Variants in CNTNAP2 observed in about 807,000 individuals in gnomAD.
CNTNAP2 encodes contactin-associated protein-like 2.
A neutral mutation model predicts 155.2 loss-of-function variants in CNTNAP2; 98 were observed. The ratio of observed to expected loss-of-function variants is 0.63; its 90% confidence interval spans 0.54 to 0.75. The LOEUF (loss-of-function observed/expected upper bound fraction) is 0.75, where lower values mean the gene tolerates loss of function less well. Ranked by LOEUF, CNTNAP2 falls within the 30% of genes least tolerant of loss-of-function variation. The pLI, the probability that CNTNAP2 is intolerant of heterozygous loss-of-function variation, is 0.00. For missense variants in CNTNAP2, 1,727 were observed against 1,688.1 expected, an observed-to-expected ratio of 1.02 and a Z score of -0.40; for synonymous variants, 651 against 631.2, an observed-to-expected ratio of 1.03 and a Z score of -0.47.
intron 21 of CNTNAP2, among the ~76,000 whole-genome samples, chr7:148,275,446 G>C (rs1308595374): frequency 1.3e-5 from 2 of 152,176 alleles, no homozygotes; most frequent in Non-Finnish European, 2.9e-5. Context: ...CCATAAGGGC[G>C]GGGGAGGTCA....
intron 15 of CNTNAP2, among the ~76,000 whole-genome samples, chr7:148,034,625 C>T (rs1563175091): frequency 6.6e-6 from 1 of 152,078 alleles, no homozygotes; most frequent in Non-Finnish European, 1.5e-5. Context: ...CAGACGAAGA[C>T]AGAAAATGGG....
At chr7:147,774,527 G>C (rs915472599) in intron 13 of CNTNAP2, among the ~76,000 whole-genome samples, 1 of 152,144 alleles carries the variant, frequency 6.6e-6, no homozygotes, top group African/African-American at 2.4e-5. Flanking sequence ...CTCTGTATTT[G>C]GAGATAAGGC....
At chr7:146,886,773 A>G (rs527437155) in intron 3 of CNTNAP2, among the ~76,000 whole-genome samples, 9 of 150,468 alleles carry the variant, frequency 6.0e-5, no homozygotes, top group Admixed American at 1.3e-4. Flanking sequence ...AAGTTTATCT[A>G]GTATAGCCTC....
chr7:147,945,467 A>T (rs1274913835), intron 14 of CNTNAP2, among the ~76,000 whole-genome samples: 1 of 152,192 alleles, frequency 6.6e-6, no homozygotes, highest in Non-Finnish European at 1.5e-5. Context: ...GAAGCAGGAA[A>T]GCGGTAAAGC....
intron 1 of CNTNAP2, among the ~76,000 whole-genome samples, chr7:146,631,612 T>C (rs1799512353): frequency 6.6e-6 from 1 of 152,164 alleles, no homozygotes; most frequent in Admixed American, 6.5e-5. Context: ...GAATTCTGGT[T>C]AGTCTTCTCT....
intron 14 of CNTNAP2, among the ~76,000 whole-genome samples, chr7:147,966,873 A>G (rs2708285): frequency 0.49 from 74,262 of 151,870 alleles, 18,683 homozygotes; most frequent in Middle Eastern, 0.72. Context: ...CTGTGCAGAA[A>G]CAGAGGGGAG....
At chr7:146,259,650 C>CAA (rs1799890994) in intron 1 of CNTNAP2, among the ~76,000 whole-genome samples, 1 of 152,090 alleles carries the variant, frequency 6.6e-6, no homozygotes, top group East Asian at 1.9e-4. Context: ...TTCTAAGCAA[C>CAA]AAAGCATTGA....
At chr7:147,119,000 A>G (rs978525559) in intron 5 of CNTNAP2, among the ~76,000 whole-genome samples, 1 of 152,156 alleles carries the variant, frequency 6.6e-6, no homozygotes, top group African/African-American at 2.4e-5. Context: ...AATAGCCTGA[A>G]ATTATTTTTA....
At chr7:146,763,531 G>T (rs1802141388) in intron 1 of CNTNAP2, among the ~76,000 whole-genome samples, 2 of 152,148 alleles carry the variant, frequency 1.3e-5, no homozygotes, top group Middle Eastern at 6.8e-3. Flanking sequence ...TCTATAAATT[G>T]TCATTGAAGG....
chr7:147,478,720 C>T (rs111430821), intron 10 of CNTNAP2, among the ~76,000 whole-genome samples: 2,396 of 152,272 alleles, frequency 0.016, 68 homozygotes, highest in African/African-American at 0.055. Flanking sequence ...GCACATGGCA[C>T]TTCCATTGCC....
intron 1 of CNTNAP2, among the ~76,000 whole-genome samples, chr7:146,163,264 T>G (rs1047305468): frequency 7.2e-5 from 11 of 151,780 alleles, no homozygotes; most frequent in African/African-American, 2.4e-4. Flanking sequence ...TCATCAGTTC[T>G]CAAAATATCA....
At chr7:147,180,021 A>G (rs982749480) in intron 8 of CNTNAP2, among the ~76,000 whole-genome samples, 1 of 152,122 alleles carries the variant, frequency 6.6e-6, no homozygotes, top group African/African-American at 2.4e-5. Context: ...GCCAAACTTG[A>G]TGAGTCATTT....
intron 18 of CNTNAP2, among the ~76,000 whole-genome samples, chr7:148,179,547 G>C (rs1399613496): frequency 1.3e-5 from 2 of 148,166 alleles, no homozygotes; most frequent in African/African-American, 5.0e-5. Flanking sequence ...GAGTGAGAGA[G>C]GGAGAGAGGG....
At chr7:147,498,008 A>G (rs772974754) in intron 11 of CNTNAP2, among the ~76,000 whole-genome samples, 2 of 152,160 alleles carry the variant, frequency 1.3e-5, no homozygotes, top group Non-Finnish European at 2.9e-5. Flanking sequence ...GCCTTCCCAC[A>G]GCATAGCAGT....
chr7:147,902,123 G>A (rs1014164916), intron 13 of CNTNAP2, among the ~76,000 whole-genome samples: 2 of 152,056 alleles, frequency 1.3e-5, no homozygotes, highest in Admixed American at 6.6e-5. Context: ...CCTTCATTGC[G>A]GACTGACCGC....
At chr7:146,444,303 G>A (rs1435713697) in intron 1 of CNTNAP2, among the ~76,000 whole-genome samples, 1 of 152,110 alleles carries the variant, frequency 6.6e-6, no homozygotes, top group Non-Finnish European at 1.5e-5. Flanking sequence ...GGAACTACAG[G>A]CATGAACCAC....
At chr7:146,182,623 G>T (rs1798564710) in intron 1 of CNTNAP2, among the ~76,000 whole-genome samples, 1 of 152,048 alleles carries the variant, frequency 6.6e-6, no homozygotes, top group Non-Finnish European at 1.5e-5. Flanking sequence ...TCTCTGCACA[G>T]GATTCTGACA....
At chr7:147,195,894 C>T (rs1802789094) in intron 8 of CNTNAP2, among the ~76,000 whole-genome samples, 2 of 152,086 alleles carry the variant, frequency 1.3e-5, no homozygotes, top group African/African-American at 2.4e-5. Context: ...CCCACCACAA[C>T]ATTTATATTA....
At chr7:146,533,535 C>T (rs994113881) in intron 1 of CNTNAP2, among the ~76,000 whole-genome samples, 14 of 152,066 alleles carry the variant, frequency 9.2e-5, no homozygotes, top group Admixed American at 9.2e-4. Flanking sequence ...CCTGATAGAA[C>T]AATAATTTAT....
Sources: gnomAD v4.1 joint callset for allele counts (sites outside exome capture counted in the v4.1 genomes callset) on GRCh38, gnomAD v4.1.1 for gene constraint, MANE v1.5 for transcripts, NCBI Gene and HGNC (gene_info 2026-07-23, HGNC 2026-07-21) for gene names.